GPHN: variants seen among roughly 807,000 people sequenced by gnomAD.
The protein encoded by GPHN is gephyrin.
In GPHN, 17 loss-of-function variants were observed where a neutral mutation model predicts 95.5. That is an observed-to-expected ratio of 0.18 (90% CI 0.12 to 0.27). The LOEUF is 0.27. GPHN is among the 10% of genes least tolerant of loss of function. The pLI is 1.00. For missense variants in GPHN, 660 were observed against 978.1 expected, an observed-to-expected ratio of 0.67 and a Z score of 4.34; for synonymous variants, 320 against 322.5, an observed-to-expected ratio of 0.99 and a Z score of 0.08.
At chr14:67,343,550 T>A in the GPHN span, 1 of 797,910 alleles carries the variant, frequency 1.3e-6, no homozygotes, top group Non-Finnish European at 2.0e-6. Context: ...CCAAGACAAC[T>A]TCTTTTTGGC....
chr14:66,873,625 C>G (rs561614327), intron 4 of GPHN, among the ~76,000 whole-genome samples: 1 of 152,276 alleles, frequency 6.6e-6, no homozygotes, highest in South Asian at 2.1e-4. Flanking sequence ...GTTTTCCCCT[C>G]ACAGCATAAA....
At chr14:67,207,286 C>G in the GPHN span, among the ~76,000 whole-genome samples, 1 of 152,026 alleles carries the variant, frequency 6.6e-6, no homozygotes, top group Non-Finnish European at 1.5e-5. Context: ...AGGGAACTTA[C>G]AATCGTGTGG....
chr14:67,275,922 T>A, the GPHN span, among the ~76,000 whole-genome samples: 2 of 152,226 alleles, frequency 1.3e-5, no homozygotes, highest in African/African-American at 4.8e-5. Flanking sequence ...GTGTTTACAG[T>A]GTTCTCTGAT....
the GPHN span, chr14:67,562,697 C>G: frequency 1.9e-6 from 3 of 1,612,616 alleles, no homozygotes; most frequent in Non-Finnish European, 1.7e-6. Context: ...CTTCTCAGCC[C>G]TCCACCCCTC....
intron 9 of GPHN, among the ~76,000 whole-genome samples, chr14:67,018,277 G>T (rs983911700): frequency 1.3e-5 from 2 of 152,010 alleles, no homozygotes; most frequent in African/African-American, 4.8e-5. Flanking sequence ...TAAAATGAAT[G>T]AGTTTTATGG....
In GPHN at chr14:66,907,005, G is replaced by C. The variant is rs148648996; in HGVS notation, c.390-8998G>C. 5.3e-5 allele frequency among the ~76,000 whole-genome samples: 8 copies of C among 152,262 alleles called. No homozygotes were observed. In the East Asian group the frequency reaches 1.5e-3, roughly 29 times the overall value. ...GCTGAGTTCTTCTATATGCTTGCTA[G>C]TTGTCTGTCTAGTCATTCTATCATA... is the stretch of plus-strand genomic sequence containing the variant. On this transcript the variant is annotated intron_variant, in intron 5 of 22. Transcript: ENST00000478722.
the GPHN span, among the ~76,000 whole-genome samples, chr14:67,479,334 C>G: frequency 6.8e-5 from 10 of 146,448 alleles, no homozygotes; most frequent in Admixed American, 6.8e-4. Flanking sequence ...TGAACCGGGA[C>G]CCAGGAGGTG....
intron 1 of GPHN, among the ~76,000 whole-genome samples, chr14:66,545,598 C>T (rs1270577072): frequency 3.6e-4 from 44 of 122,686 alleles, no homozygotes; most frequent in Admixed American, 6.2e-4. Context: ...GGCGGCTGGC[C>T]GGGCGGGGGG....
At chr14:67,541,635 T>G in the GPHN span, among the ~76,000 whole-genome samples, 1 of 152,190 alleles carries the variant, frequency 6.6e-6, no homozygotes, top group Admixed American at 6.5e-5. Context: ...CTCAGCTAAC[T>G]TACAATGGAG....
chr14:67,437,318 G>A, the GPHN span, among the ~76,000 whole-genome samples: 5 of 152,178 alleles, frequency 3.3e-5, no homozygotes, highest in Non-Finnish European at 5.9e-5. Flanking sequence ...ATTGTAGTGA[G>A]TACGCAGAAG....
the GPHN span, among the ~76,000 whole-genome samples, chr14:67,233,488 G>C: frequency 6.6e-6 from 1 of 152,192 alleles, no homozygotes; most frequent in African/African-American, 2.4e-5. Context: ...GCTTTTCCGT[G>C]AGAAAGAAAT....
At chr14:66,762,903 G>C (rs557603744) in intron 2 of GPHN, among the ~76,000 whole-genome samples, 164 of 152,146 alleles carry the variant, frequency 1.1e-3, no homozygotes, top group Non-Finnish European at 1.4e-3. Context: ...CTAATCAAAG[G>C]CTTTTAGGAA....
intron 2 of GPHN, among the ~76,000 whole-genome samples, chr14:66,693,518 C>G (rs1455338680): frequency 2.6e-5 from 4 of 152,120 alleles, no homozygotes; most frequent in East Asian, 1.9e-4. Context: ...TGAGGACTTT[C>G]CTGACTGGCC....
chr14:67,150,465 A>ACAAAAC (rs1057455795), intron 18 of GPHN, among the ~76,000 whole-genome samples: 3,339 of 150,044 alleles, frequency 0.022, 66 homozygotes, highest in Non-Finnish European at 0.029. Context: ...AAAAAAAAAA[A>ACAAAAC]AAAAAAAACA....
At chr14:66,867,298 T>C (rs1352212274) in intron 4 of GPHN, among the ~76,000 whole-genome samples, 2 of 152,286 alleles carry the variant, frequency 1.3e-5, no homozygotes, top group African/African-American at 4.8e-5. Flanking sequence ...TTATTATAAG[T>C]TGATGTGGTT....
At chr14:67,656,519 A>G in the GPHN span, 2 of 1,614,014 alleles carry the variant, frequency 1.2e-6, no homozygotes, top group Non-Finnish European at 8.5e-7. Context: ...AGAACGTTCA[A>G]TACTTTGGGT....
the GPHN span, chr14:67,473,837 C>A: frequency 6.2e-7 from 1 of 1,613,494 alleles, no homozygotes; most frequent in Non-Finnish European, 8.5e-7. This position sits in a 1 kb window ranked among gnomAD's most constrained non-coding sequence, Gnocchi z 6.5. Context: ...ACTCCCAGGC[C>A]GCTGTGAACA....
the GPHN span, chr14:67,302,456 T>C: frequency 6.3e-7 from 1 of 1,599,190 alleles, no homozygotes; most frequent in Non-Finnish European, 8.5e-7. Context: ...ATTAGCCGGA[T>C]AGTAAAAGGG....
intron 2 of GPHN, among the ~76,000 whole-genome samples, chr14:66,712,786 A>G (rs2069781461): frequency 6.6e-6 from 1 of 152,120 alleles, no homozygotes; most frequent in African/African-American, 2.4e-5. Context: ...TCCTCTGATC[A>G]CTGCATCCAC....
Sources: gnomAD v4.1 joint callset for allele counts (sites outside exome capture counted in the v4.1 genomes callset) on GRCh38, gnomAD v4.1.1 for gene constraint, Gnocchi (gnomAD v3.1) non-coding constraint, MANE v1.5 for transcripts, NCBI Gene and HGNC (gene_info 2026-07-23, HGNC 2026-07-21) for gene names.